ATP6V0A2: variants seen among roughly 807,000 people sequenced by gnomAD.
ATP6V0A2 encodes the protein V-type proton ATPase 116 kDa subunit a 2.
Under a neutral mutation model 104.4 loss-of-function variants are expected in ATP6V0A2, and 58 were observed. That is an observed-to-expected ratio of 0.56 (90% CI 0.45 to 0.69). ATP6V0A2 has a LOEUF of 0.69. ATP6V0A2 is among the 30% of genes least tolerant of loss of function. ATP6V0A2 has a pLI of 0.00. For missense variants in ATP6V0A2, 938 were observed against 1,062.9 expected (o/e 0.88, Z 1.63); for synonymous variants, 376 against 397.9 (o/e 0.95, Z 0.65).
rs189986938 is a variant in ATP6V0A2, at chr12:123,757,165, G to A, written c.2465+179G>A. On this transcript the variant is annotated intron_variant, in intron 19 of 19. Coordinates refer to ENST00000330342, the MANE Select transcript of ATP6V0A2 (RefSeq NM_012463.4). ...GAGTTAAAATTGTATTTTGGGCCGG[G>A]TGCGGTGGCTCATGCCGGTAATCCT... Among the ~76,000 whole-genome samples the A allele has an allele frequency of 3.3e-5, 5 of 152,316 alleles. No individual in the cohort carries two copies. In the East Asian group the frequency reaches 7.7e-4, roughly 24 times the overall value.
intron 7 of ATP6V0A2, among the ~76,000 whole-genome samples, chr12:123,735,112 G>A (rs1022103799): frequency 2.0e-5 from 3 of 151,632 alleles, no homozygotes; most frequent in African/African-American, 7.3e-5. Flanking sequence ...CAACTGCTAG[G>A]AAGCCAGAGC....
At chr12:123,729,303 C>A in intron 6 of ATP6V0A2, among the ~76,000 whole-genome samples, 1 of 121,832 alleles carries the variant, frequency 8.2e-6, no homozygotes. Flanking sequence ...CTGGAATCAA[C>A]TGTTTCTTCA....
In ATP6V0A2 at chr12:123,734,006, T is replaced by C; in HGVS notation, c.729T>C (p.Asp243=). ...GCCACAAGGTTAAGAAGATATGTGATTGGTAAGAAAAAGAAACATTTCATT... is the reference window on the plus strand; with the variant it reads ...GCCACAAGGTTAAGAAGATATGTGACTGGTAAGAAAAAGAAACATTTCATT... ...QIGHKVKKIC[D]CYHCHVYPYP... Residue 243 remains aspartate, a splice_region_variant and synonymous_variant, in exon 7 of 20, where the codon GAT becomes GAC. Coordinates refer to ENST00000330342, the MANE Select transcript of ATP6V0A2 (RefSeq NM_012463.4). 1 of 1,610,788 alleles carries C rather than the reference T, an allele frequency of 6.2e-7. No homozygotes were observed. Among genetic ancestry groups the C allele is most frequent in the African/African-American group, 1.3e-5 (1 of 74,984 alleles).
chr12:123,727,000 C>T (rs1406592726), intron 5 of ATP6V0A2, among the ~76,000 whole-genome samples: 3 of 152,176 alleles, frequency 2.0e-5, no homozygotes, highest in Non-Finnish European at 4.4e-5. Context: ...ACTTCTCCCT[C>T]CATCTAGAAC....
chr12:123,714,426 T>A (rs1286531731), intron 1 of ATP6V0A2, among the ~76,000 whole-genome samples: 1 of 152,096 alleles, frequency 6.6e-6, no homozygotes, highest in East Asian at 1.9e-4. Flanking sequence ...TTAGTAACCC[T>A]TGCAAGGGAA....
In ATP6V0A2 at chr12:123,722,352, G is replaced by GT. The variant is rs1333223845; in HGVS notation, c.199dup (p.Tyr67LeufsTer7). On this transcript the variant is annotated frameshift_variant and splice_region_variant, in exon 3 of 20. Transcript: ENST00000330342. LOFTEE classifies it high-confidence loss of function. ...ATTGTTTAACTTTTATTTTCACAGT[G>GT]TATTTGGTACAGGAAATTAATAGAG... is the stretch of plus-strand genomic sequence containing the variant. The GT allele has an allele frequency of 1.3e-6, 2 of 1,578,952 alleles. No homozygotes were observed. Among genetic ancestry groups the GT allele is most frequent in the Non-Finnish European group, 1.7e-6 (2 of 1,147,848 alleles).
At chr12:123,752,958 AT>A (rs1397857122) in intron 17 of ATP6V0A2, among the ~76,000 whole-genome samples, 1 of 152,086 alleles carries the variant, frequency 6.6e-6, no homozygotes, top group Non-Finnish European at 1.5e-5. Context: ...CAGTCTTTCC[AT>A]TAGAGAGCAA....
intron 8 of ATP6V0A2, among the ~76,000 whole-genome samples, chr12:123,736,034 G>A (rs775245496): frequency 6.6e-6 from 1 of 151,132 alleles, no homozygotes; most frequent in African/African-American, 2.4e-5. Context: ...CACCATGCCC[G>A]GCCAATTTTT....
Position 123,757,933 on chromosome 12 carries a change from A to G in ATP6V0A2, c.2472A>G (p.Glu824=), listed in dbSNP as rs763054691. Residue 824 remains glutamate, a synonymous_variant, in exon 20 of 20, where the codon GAA becomes GAG. Transcript: ENST00000330342. ...TGGCTTTTTTTTTTTTTAGGGTAGAATTTCAGAACAAATTCTACGTTGGTG... is the reference window on the plus strand; with the variant it reads ...TGGCTTTTTTTTTTTTTAGGGTAGAGTTTCAGAACAAATTCTACGTTGGTG... ...FLHAIRLHWV[E]FQNKFYVGAG... The G allele has an allele frequency of 2.5e-6, 4 of 1,588,026 alleles. No homozygotes were observed. The African/African-American group carries it at 4.1e-5, about 16-fold the overall frequency.
intron 6 of ATP6V0A2, among the ~76,000 whole-genome samples, chr12:123,728,823 A>ATCACTTGATTAGTTCCATTACTGGTCG (rs1956472474): frequency 7.6e-6 from 1 of 132,102 alleles, no homozygotes; most frequent in African/African-American, 2.9e-5. Flanking sequence ...ATTACTGGTC[A>ATCACTTGATTAGTTCCATTACTGGTCG]TGGTCCCTCT....
intron 7 of ATP6V0A2, among the ~76,000 whole-genome samples, chr12:123,734,751 T>A (rs145335662): frequency 1.2e-3 from 187 of 151,974 alleles, no homozygotes; most frequent in African/African-American, 4.4e-3. Flanking sequence ...TGGAGGGGGG[T>A]TTGGGCATTT....
intron 7 of ATP6V0A2, among the ~76,000 whole-genome samples, chr12:123,735,049 C>G (rs1342596570): frequency 6.6e-6 from 1 of 152,046 alleles, no homozygotes; most frequent in Non-Finnish European, 1.5e-5. Flanking sequence ...GTCATTCCCT[C>G]GTGCAGTCTG....
At chr12:123,728,984 C>CCCTCTG (rs1235433901) in intron 6 of ATP6V0A2, among the ~76,000 whole-genome samples, 36 of 152,068 alleles carry the variant, frequency 2.4e-4, no homozygotes, top group African/African-American at 2.9e-4. Flanking sequence ...TGGTCGTGGT[C>CCCTCTG]ACTCTGATCA....
chr12:123,758,231 T>A lies in ATP6V0A2; in HGVS notation c.*199T>A. 2.1e-6 allele frequency: 1 copy of A among 466,010 alleles called. No individual in the cohort carries two copies. Among genetic ancestry groups the A allele is most frequent in the Admixed American group, 3.9e-5 (1 of 25,862 alleles). 28.9% of individuals were successfully genotyped at this position (466,010 alleles called of 1,614,324 possible). On this transcript the variant is annotated 3_prime_UTR_variant, in exon 20 of 20. Transcript: ENST00000330342. ...TTTACCAATTTGAGATATAAAAATTTCTTTTGGTTTTTTATGATGAGCAAA... is the reference window on the plus strand; with the variant it reads ...TTTACCAATTTGAGATATAAAAATTACTTTTGGTTTTTTATGATGAGCAAA...
In ATP6V0A2 at chr12:123,760,817, C is replaced by T. The variant is rs1385588292; in HGVS notation, c.*2785C>T. ...CCAGCAGCGAAAGGACTTGGAACTC[C>T]TCTTTCGCTGAATGCTGCTCTGTTT... is the stretch of plus-strand genomic sequence containing the variant. On this transcript the variant is annotated 3_prime_UTR_variant, in exon 20 of 20. Coordinates refer to ENST00000330342, the MANE Select transcript of ATP6V0A2 (RefSeq NM_012463.4). 6.6e-6 allele frequency: 1 copy of T among 152,210 alleles called. No individual in the cohort carries two copies. The highest frequency in any genetic ancestry group is 2.1e-4 in the South Asian group (1 of 4,834). The allele number at this position is 152,210 out of a possible 1,614,324, so 9.4% of individuals were successfully genotyped here.
intron 1 of ATP6V0A2, among the ~76,000 whole-genome samples, chr12:123,712,932 TTCA>T (rs898577620): frequency 3.3e-4 from 50 of 152,244 alleles, no homozygotes; most frequent in African/African-American, 1.2e-3. Context: ...CCGTGTGGTC[TTCA>T]TCAGCTCCGG....
Position 123,735,586 on chromosome 12 carries a change from C to G in ATP6V0A2, c.787C>G (p.Gln263Glu). The stretch of plus-strand genomic sequence containing the variant: ...CACAGCCGAGGAGCGGAGGGAGATC[C>G]AGGAGGGGCTGAACACCCGCATCCA... Reference protein sequence around the residue: ...PNTAEERREIQEGLNTRIQDL... With the variant: ...PNTAEERREIEEGLNTRIQDL... Residue 263 changes from glutamine (Q) to glutamate (E), a missense_variant, in exon 8 of 20, where the codon CAG becomes GAG. By Grantham distance (29) the Gln-to-Glu change is conservative (BLOSUM62 2). Transcript: ENST00000330342. 1 of 1,614,096 alleles carries G rather than the reference C, an allele frequency of 6.2e-7. No individual in the cohort carries two copies. Among genetic ancestry groups the G allele is most frequent in the South Asian group, 1.1e-5 (1 of 91,078 alleles).
chr12:123,724,895 T>C (rs1956434585), intron 4 of ATP6V0A2, 104 bp downstream of exon 4: 3 of 852,310 alleles, frequency 3.5e-6, no homozygotes, highest in East Asian at 2.7e-5. Flanking sequence ...CATATAGATA[T>C]GTTGCTTCTT....
Position 123,727,919 on chromosome 12 carries a change from T to A in ATP6V0A2, c.648+10T>A, listed in dbSNP as rs368723556. The A allele has an allele frequency of 1.5e-5, 24 of 1,614,084 alleles. No homozygotes were observed. Among genetic ancestry groups the A allele is most frequent in the Non-Finnish European group, 9.3e-6 (11 of 1,180,036 alleles). ...TGAAGACCCTGAAACAGTGAGTAAA[T>A]GTCACCATCACCTTTTAGCAATGAC... is the stretch of plus-strand genomic sequence containing the variant. On this transcript the variant is annotated intron_variant, in intron 6 of 19. Coordinates refer to ENST00000330342, the MANE Select transcript of ATP6V0A2 (RefSeq NM_012463.4).
Sources: gnomAD v4.1 joint callset for allele counts (sites outside exome capture counted in the v4.1 genomes callset) on GRCh38, gnomAD v4.1.1 for gene constraint, MANE v1.5 for transcripts, NCBI Gene and HGNC (gene_info 2026-07-23, HGNC 2026-07-21) for gene names.